Variants in ADGRL3 observed in about 807,000 individuals in gnomAD.
The protein encoded by ADGRL3 is adhesion G protein-coupled receptor L3, also known as calcium-independent alpha-latrotoxin receptor 3.
Under a neutral mutation model 153.5 loss-of-function variants are expected in ADGRL3, and 62 were observed. The ratio of observed to expected loss-of-function variants is 0.40; its 90% CI spans 0.33 to 0.50. The LOEUF is 0.50. ADGRL3 is among the 20% of genes least tolerant of loss of function. ADGRL3 has a pLI of 0.47. For synonymous variants in ADGRL3, 710 were observed against 672.5 expected (o/e 1.06, Z -0.86); for missense variants, 1,641 against 1,859.4 (o/e 0.88, Z 2.16).
chr4:62,046,339 A>T (rs993008482), intron 25 of ADGRL3, among the ~76,000 whole-genome samples: 9 of 151,992 alleles, frequency 5.9e-5, no homozygotes, highest in African/African-American at 2.2e-4. Flanking sequence ...AAGGTGTGTC[A>T]GTTCAGTAAA....
At chr4:62,042,011 G>A (rs1728601992) in intron 24 of ADGRL3, among the ~76,000 whole-genome samples, 2 of 152,042 alleles carry the variant, frequency 1.3e-5, no homozygotes, top group South Asian at 4.2e-4. Flanking sequence ...CTACCTCATG[G>A]AGTTCTTGTG....
intron 1 of ADGRL3, among the ~76,000 whole-genome samples, chr4:61,338,782 G>C (rs1053560887): frequency 6.6e-6 from 1 of 151,976 alleles, no homozygotes; most frequent in South Asian, 2.1e-4. Context: ...AAAAACTATT[G>C]AATAAATATT....
At chr4:62,053,940 T>A (rs1234985987) in intron 25 of ADGRL3, among the ~76,000 whole-genome samples, 2 of 151,572 alleles carry the variant, frequency 1.3e-5, no homozygotes, top group Admixed American at 6.6e-5. Flanking sequence ...TAATAATATG[T>A]TCATTTGTTC....
At chr4:61,640,851 T>A (rs998517321) in intron 5 of ADGRL3, among the ~76,000 whole-genome samples, 1 of 152,212 alleles carries the variant, frequency 6.6e-6, no homozygotes, top group Admixed American at 6.5e-5. Flanking sequence ...ATAATAAGTT[T>A]ATTGTCCTTT....
chr4:62,078,138 T>C lies in ADGRL3; in HGVS notation c.*7230T>C, dbSNP rs368622299. 5.3e-5 allele frequency: 8 copies of C among 152,172 alleles called. 1 individual carries two copies. The highest frequency in any genetic ancestry group is 1.7e-4 in the African/African-American group (7 of 41,580). 9.4% of individuals were successfully genotyped at this position (152,172 alleles called of 1,614,324 possible). On this transcript the variant is annotated 3_prime_UTR_variant, in exon 27 of 27. Transcript: ENST00000683033. ...CACTTTTTAGAAACAAGAATATAGC[T>C]ATTGTGGCTTTGGTCGCTTAGGATT...
intron 1 of ADGRL3, among the ~76,000 whole-genome samples, chr4:61,273,455 C>A (rs1442536810): frequency 2.0e-5 from 3 of 152,190 alleles, no homozygotes; most frequent in African/African-American, 7.2e-5. Flanking sequence ...GCCATTTCTG[C>A]AGAGTTGCAC....
In ADGRL3 at chr4:62,002,574, A is replaced by C. The variant is rs149374870; in HGVS notation, c.3395+4309A>C. 7.5e-3 allele frequency among the ~76,000 whole-genome samples: 1,142 copies of C among 152,134 alleles called. 37 individuals are homozygous for C. Among genetic ancestry groups the C allele is most frequent in the Admixed American group, 0.041 (628 of 15,246 alleles). ...TTCTCTAGAAAAAATAATAAAAAAT[A>C]GAGTGAAGTAATATAGGTAATATGA... On this transcript the variant is annotated intron_variant, in intron 21 of 26. Coordinates refer to ENST00000683033, the MANE Select transcript of ADGRL3 (RefSeq NM_001387552.1).
At chr4:61,591,886 G>T (rs1249830135) in intron 5 of ADGRL3, among the ~76,000 whole-genome samples, 2 of 151,646 alleles carry the variant, frequency 1.3e-5, no homozygotes, top group Non-Finnish European at 2.9e-5. Context: ...AGACCAGCCT[G>T]GATGTTTTAT....
At chr4:61,630,713 A>C (rs2150014594) in intron 5 of ADGRL3, among the ~76,000 whole-genome samples, 1 of 152,368 alleles carries the variant, frequency 6.6e-6, no homozygotes, top group African/African-American at 2.4e-5. Context: ...ATATTTGGTT[A>C]GGTTGTAAAT....
At chr4:61,313,841 G>A (rs1560462164) in intron 1 of ADGRL3, among the ~76,000 whole-genome samples, 1 of 152,160 alleles carries the variant, frequency 6.6e-6, no homozygotes, top group African/African-American at 2.4e-5. Context: ...ACAGGTCAGA[G>A]CACAGACGGG....
intron 8 of ADGRL3, among the ~76,000 whole-genome samples, chr4:61,767,164 AG>A (rs1327155722): frequency 6.6e-6 from 1 of 151,938 alleles, no homozygotes. Flanking sequence ...GGGATACAAG[AG>A]GAGGACCCAA....
intron 8 of ADGRL3, among the ~76,000 whole-genome samples, chr4:61,739,710 A>G (rs2096561179): frequency 6.6e-6 from 1 of 152,154 alleles, no homozygotes; most frequent in Non-Finnish European, 1.5e-5. Context: ...AAGTTTTAGT[A>G]AGTCACTCCC....
At chr4:61,815,400 T>C (rs1466991556) in intron 9 of ADGRL3, among the ~76,000 whole-genome samples, 1 of 152,208 alleles carries the variant, frequency 6.6e-6, no homozygotes, top group Non-Finnish European at 1.5e-5. Flanking sequence ...TTTCTGGTGT[T>C]AGTGTAGGTA....
rs74409067 is a variant in ADGRL3, at chr4:61,434,806, C to A, written c.-174+51617C>A. Among the ~76,000 whole-genome samples the A allele has an allele frequency of 9.8e-3, 1,494 of 152,136 alleles. 22 individuals carry two copies. The highest frequency in any genetic ancestry group is 0.034 in the African/African-American group (1,415 of 41,532). ...TAGAGCTGATTTTAAAACATACTCA[C>A]AGCTTGTTTTAACTGATATAATTTG... On this transcript the variant is annotated intron_variant, in intron 2 of 26. Coordinates refer to ENST00000683033, the MANE Select transcript of ADGRL3 (RefSeq NM_001387552.1).
chr4:62,077,911 C>T lies in ADGRL3; in HGVS notation c.*7003C>T, dbSNP rs557088103. 3 of 151,966 alleles carry T rather than the reference C, an allele frequency of 2.0e-5. No homozygotes were observed. The highest frequency in any genetic ancestry group is 4.8e-5 in the African/African-American group (2 of 41,534). 9.4% of individuals were successfully genotyped at this position (151,966 alleles called of 1,614,324 possible). A position where few individuals can be genotyped will look rare whatever the true frequency, so the allele number is the denominator to read the frequency against. ...GACCTTTGCCTGTGAACTAGAAAAT[C>T]AAGATTTGTAGAGTCAGGTTGATTT... On this transcript the variant is annotated 3_prime_UTR_variant, in exon 27 of 27. Coordinates refer to ENST00000683033, the MANE Select transcript of ADGRL3 (RefSeq NM_001387552.1).
intron 1 of ADGRL3, among the ~76,000 whole-genome samples, chr4:61,213,392 C>G (rs1741057999): frequency 6.6e-6 from 1 of 152,126 alleles, no homozygotes; most frequent in Non-Finnish European, 1.5e-5. Flanking sequence ...CTGGTAATGG[C>G]TGAATTTTGA....
At chr4:61,324,875 T>G (rs2150839863) in intron 1 of ADGRL3, among the ~76,000 whole-genome samples, 1 of 152,344 alleles carries the variant, frequency 6.6e-6, no homozygotes, top group South Asian at 2.1e-4. Flanking sequence ...GGAAAGAAAC[T>G]AAATTTTCAC....
chr4:61,527,355 C>T (rs1334912144), intron 4 of ADGRL3, among the ~76,000 whole-genome samples: 1 of 151,988 alleles, frequency 6.6e-6, no homozygotes, highest in Non-Finnish European at 1.5e-5. Flanking sequence ...TGATTTATTT[C>T]TTACCTTTAT....
At chr4:61,599,489 C>G (rs962802206) in intron 5 of ADGRL3, among the ~76,000 whole-genome samples, 1 of 152,118 alleles carries the variant, frequency 6.6e-6, no homozygotes, top group Non-Finnish European at 1.5e-5. Flanking sequence ...CCTGCCACCA[C>G]GCCTGGCTAA....
Sources: gnomAD v4.1 joint callset for allele counts (sites outside exome capture counted in the v4.1 genomes callset) on GRCh38, gnomAD v4.1.1 for gene constraint, MANE v1.5 for transcripts, NCBI Gene and HGNC (gene_info 2026-07-23, HGNC 2026-07-21) for gene names.